The following RFX3 variants were observed in gnomAD, a reference collection of about 807,000 sequenced individuals.
The protein encoded by RFX3 is transcription factor RFX3.
A neutral mutation model predicts 98.6 loss-of-function variants in RFX3; 14 were observed. The ratio of observed to expected loss-of-function variants is 0.14; its 90% CI spans 0.09 to 0.22. The LOEUF is 0.22. Among genes scored for constraint, RFX3 ranks in the 10% least tolerant of loss-of-function variants. The pLI, the probability that RFX3 is intolerant of heterozygous loss-of-function variation, is 1.00. For missense variants in RFX3, 639 were observed against 926.9 expected (o/e 0.69, Z 4.03); for synonymous variants, 383 against 328.4 (o/e 1.17, Z -1.80).
At chr9:3,515,447 G>A (rs1300269070) in intron 1 of RFX3, among the ~76,000 whole-genome samples, 2 of 152,150 alleles carry the variant, frequency 1.3e-5, no homozygotes, top group Admixed American at 6.5e-5. Context: ...TGGATCACCT[G>A]AGTCTTCTGT....
At chr9:3,342,525 A>C (rs1180682901) in intron 3 of RFX3, among the ~76,000 whole-genome samples, 1 of 152,236 alleles carries the variant, frequency 6.6e-6, no homozygotes, top group African/African-American at 2.4e-5. Context: ...GGTTTATATA[A>C]GAAAATCCTT....
At chr9:3,375,934 T>C (rs1352569929) in intron 2 of RFX3, among the ~76,000 whole-genome samples, 1 of 151,870 alleles carries the variant, frequency 6.6e-6, no homozygotes, top group Non-Finnish European at 1.5e-5. Context: ...CACTCCAGCC[T>C]GGGTGACAGA....
intron 7 of RFX3, among the ~76,000 whole-genome samples, chr9:3,282,042 T>C (rs76634345): frequency 0.058 from 8,834 of 151,748 alleles, 822 homozygotes; most frequent in African/African-American, 0.2. Flanking sequence ...ATTCCAGAAA[T>C]TACACAATCA....
At position 3,416,609 on chromosome 9, in the gene RFX3, G is replaced by A. The variant is rs547209384; in HGVS notation, c.-8-21013C>T. Among the ~76,000 whole-genome samples the A allele has an allele frequency of 2.5e-3, 377 of 152,296 alleles. 3 individuals carry two copies. The highest frequency in any genetic ancestry group is 8.7e-3 in the African/African-American group (360 of 41,552). ...CCTCTATCCCATTGTCCCTGGTGCTGTTGAGAATCACTGGCTTTTCTTACC... is the reference window on the plus strand; with the variant it reads ...CCTCTATCCCATTGTCCCTGGTGCTATTGAGAATCACTGGCTTTTCTTACC... On this transcript the variant is annotated intron_variant, in intron 1 of 16. Transcript: ENST00000617270.
At chr9:3,352,976 A>T (rs2131270698) in intron 2 of RFX3, among the ~76,000 whole-genome samples, 1 of 152,250 alleles carries the variant, frequency 6.6e-6, no homozygotes, top group Admixed American at 6.6e-5. Context: ...GACTGGATTA[A>T]GAAAATGTGG....
intron 4 of RFX3, among the ~76,000 whole-genome samples, chr9:3,310,984 A>G (rs910821222): frequency 6.6e-6 from 1 of 152,188 alleles, no homozygotes; most frequent in African/African-American, 2.4e-5. Flanking sequence ...AATGATGTAA[A>G]ATGATGAAGT....
chr9:3,253,860 C>T lies in RFX3; in HGVS notation c.1814+3131G>A, dbSNP rs567881089. Among the ~76,000 whole-genome samples, 5 of 152,196 alleles carry T rather than the reference C, an allele frequency of 3.3e-5. No individual in the cohort carries two copies. The East Asian group carries it at 9.7e-4, about 29-fold the overall frequency. On this transcript the variant is annotated intron_variant, in intron 14 of 16. Transcript: ENST00000617270. ...AACATTAAAAAATATTCTAATTCTG[C>T]TTCTCTGATAGTTTGTGAATGTAAT...
intron 4 of RFX3, among the ~76,000 whole-genome samples, chr9:3,304,278 A>G (rs910901785): frequency 2.0e-5 from 3 of 152,022 alleles, no homozygotes; most frequent in Non-Finnish European, 4.4e-5. Flanking sequence ...TTCCAATCTC[A>G]TGAAAGGATC....
intron 15 of RFX3, among the ~76,000 whole-genome samples, chr9:3,231,951 T>C (rs1192972877): frequency 6.6e-6 from 1 of 151,974 alleles, no homozygotes; most frequent in Admixed American, 6.6e-5. Context: ...GAGAATCACT[T>C]GAACCTGGGA....
At chr9:3,416,461 T>G (rs1169474514) in intron 1 of RFX3, among the ~76,000 whole-genome samples, 1 of 151,878 alleles carries the variant, frequency 6.6e-6, no homozygotes, top group Non-Finnish European at 1.5e-5. Flanking sequence ...AGTGTTCTCA[T>G]CCAGAAAAAG....
At chr9:3,507,639 G>A (rs1027458177) in intron 1 of RFX3, among the ~76,000 whole-genome samples, 3 of 151,742 alleles carry the variant, frequency 2.0e-5, no homozygotes, top group Non-Finnish European at 4.4e-5. Context: ...CTTAAAAAAG[G>A]GTGCCCAACT....
At position 3,476,078 on chromosome 9, in the gene RFX3, C is replaced by T. The variant is rs566673659; in HGVS notation, c.-9+49669G>A. ...CCCCTCAGCTCCTATCTCTGTATGGCCTAGTTTTTCCTAGGTTATGATTAT... is the reference window on the plus strand; with the variant it reads ...CCCCTCAGCTCCTATCTCTGTATGGTCTAGTTTTTCCTAGGTTATGATTAT... On this transcript the variant is annotated intron_variant, in intron 1 of 16. Coordinates refer to ENST00000617270, the MANE Select transcript of RFX3 (RefSeq NM_001282116.2). 3.3e-5 allele frequency among the ~76,000 whole-genome samples: 5 copies of T among 151,978 alleles called. No homozygotes were observed. In the East Asian group the frequency reaches 9.6e-4, roughly 29 times the overall value.
intron 6 of RFX3, among the ~76,000 whole-genome samples, chr9:3,290,431 T>C (rs1437733253): frequency 1.3e-5 from 2 of 152,100 alleles, no homozygotes; most frequent in African/African-American, 2.4e-5. Context: ...TTCCTTTCAG[T>C]AACAAAAGAA....
intron 2 of RFX3, among the ~76,000 whole-genome samples, chr9:3,382,083 G>C (rs944623102): frequency 2.6e-5 from 4 of 152,118 alleles, no homozygotes; most frequent in African/African-American, 4.8e-5. Context: ...ACTCAGGCTA[G>C]AGATGTAGTG....
At chr9:3,301,183 T>C (rs913913202) in intron 5 of RFX3, among the ~76,000 whole-genome samples, 1 of 151,458 alleles carries the variant, frequency 6.6e-6, no homozygotes, top group African/African-American at 2.4e-5. Flanking sequence ...GACATGGCTG[T>C]TTGACAGAGA....
At chr9:3,317,728 C>A (rs1830790042) in intron 4 of RFX3, among the ~76,000 whole-genome samples, 1 of 152,198 alleles carries the variant, frequency 6.6e-6, no homozygotes, top group Non-Finnish European at 1.5e-5. Flanking sequence ...ACAGACACTT[C>A]TCAAAAGAAG....
chr9:3,463,405 T>C (rs929084889), intron 1 of RFX3, among the ~76,000 whole-genome samples: 1 of 152,050 alleles, frequency 6.6e-6, no homozygotes, highest in African/African-American at 2.4e-5. Flanking sequence ...TATAAGCTAC[T>C]AGAAGAACAT....
At chr9:3,329,942 G>A (rs1326914917) in intron 4 of RFX3, among the ~76,000 whole-genome samples, 1 of 152,088 alleles carries the variant, frequency 6.6e-6, no homozygotes, top group Non-Finnish European at 1.5e-5. Flanking sequence ...ATATGAAAGT[G>A]AGTTCTTTCT....
Position 3,225,025 on chromosome 9 carries a change from A to G in RFX3, c.*17T>C. ...AACAGGGTTAATGTAAGCTGGAAAA[A>G]TACGCTTTAATATTCTTTAGACTGC... On this transcript the variant is annotated 3_prime_UTR_variant, in exon 17 of 17. Coordinates refer to ENST00000617270, the MANE Select transcript of RFX3 (RefSeq NM_001282116.2). 1 of 1,610,018 alleles carries G rather than the reference A, an allele frequency of 6.2e-7. No individual in the cohort carries two copies. The highest frequency in any genetic ancestry group is 1.1e-5 in the South Asian group (1 of 90,844).
Sources: gnomAD v4.1 joint callset for allele counts (sites outside exome capture counted in the v4.1 genomes callset) on GRCh38, gnomAD v4.1.1 for gene constraint, MANE v1.5 for transcripts, NCBI Gene and HGNC (gene_info 2026-07-23, HGNC 2026-07-21) for gene names.